TRMT11: variants seen among roughly 807,000 people sequenced by gnomAD.
The protein encoded by TRMT11 is tRNA methyltransferase 11, also known as tRNA (guanine(10)-N(2))-methyltransferase TRMT11.
TRMT11 carries 53 observed loss-of-function variants against 62.8 expected under a neutral mutation model. The ratio of observed to expected loss-of-function variants is 0.84; its 90% CI spans 0.68 to 1.06. TRMT11 has a LOEUF of 1.06. TRMT11 is among the 50% of genes least tolerant of loss of function. TRMT11 has a pLI of 0.00. For missense variants in TRMT11, 556 were observed against 553.4 expected, an observed-to-expected ratio of 1.00 and a Z score of -0.05; for synonymous variants, 188 against 190.3, an observed-to-expected ratio of 0.99 and a Z score of 0.10.
chr6:126,133,137 A>T (rs1482360140), intron 21 of TRMT11, among the ~76,000 whole-genome samples: 1 of 151,998 alleles, frequency 6.6e-6, no homozygotes, highest in Non-Finnish European at 1.5e-5. Flanking sequence ...TTCGGATGAA[A>T]ATTGAGAATG....
intron 17 of TRMT11, among the ~76,000 whole-genome samples, chr6:126,055,922 C>T (rs1365954216): frequency 6.6e-6 from 1 of 152,164 alleles, no homozygotes; most frequent in Non-Finnish European, 1.5e-5. Flanking sequence ...TTCTTCTTCT[C>T]CTTCTCGTGG....
chr6:126,050,329 C>CA (rs536546298), intron 16 of TRMT11, among the ~76,000 whole-genome samples: 5,083 of 68,072 alleles, frequency 0.075, 241 homozygotes, highest in East Asian at 0.19. Context: ...GACTTCATCT[C>CA]AAAAAAAAAA....
intron 1 of TRMT11, among the ~76,000 whole-genome samples, chr6:125,987,361 G>A (rs1789826510): frequency 6.6e-6 from 1 of 152,110 alleles, no homozygotes; most frequent in South Asian, 2.1e-4. Context: ...AGATAAATCA[G>A]TAAATTAGAA....
chr6:126,260,049 A>T, the TRMT11 span, among the ~76,000 whole-genome samples: 14 of 152,180 alleles, frequency 9.2e-5, no homozygotes, highest in African/African-American at 3.4e-4. Context: ...TGAAGAATTT[A>T]AACCATTTAC....
intron 21 of TRMT11, among the ~76,000 whole-genome samples, chr6:126,168,866 G>A (rs1778297868): frequency 6.6e-6 from 1 of 152,136 alleles, no homozygotes; most frequent in South Asian, 2.1e-4. Flanking sequence ...TTATTTTATG[G>A]GTGAGTCTAC....
intron 21 of TRMT11, among the ~76,000 whole-genome samples, chr6:126,141,568 G>A (rs1777917316): frequency 6.6e-6 from 1 of 152,134 alleles, no homozygotes; most frequent in South Asian, 2.1e-4. Flanking sequence ...GCCAGTGAAG[G>A]TGATGTGAGA....
chr6:126,231,814 C>A, the TRMT11 span, among the ~76,000 whole-genome samples: 4 of 152,172 alleles, frequency 2.6e-5, no homozygotes, highest in African/African-American at 9.7e-5. Flanking sequence ...ACAAATAAGG[C>A]TTTAGTGTTT....
chr6:126,180,763 G>A (rs951248586), intron 1 of TRMT11, among the ~76,000 whole-genome samples: 6 of 152,132 alleles, frequency 3.9e-5, no homozygotes, highest in Non-Finnish European at 7.4e-5. Context: ...CAGTTTTGTG[G>A]TTTACGAGTC....
intron 21 of TRMT11, among the ~76,000 whole-genome samples, chr6:126,160,775 A>G (rs73773377): frequency 0.046 from 7,077 of 152,224 alleles, 559 homozygotes; most frequent in African/African-American, 0.16. Context: ...ACTGAGAGCT[A>G]TAAAACGTGT....
At chr6:126,199,632 G>T (rs1778712124) in intron 2 of TRMT11, 1 of 152,150 alleles carries the variant, frequency 6.6e-6, no homozygotes, top group Non-Finnish European at 1.5e-5. Context: ...TATATATTTG[G>T]TCACTGTAAA....
At chr6:126,236,322 T>A in the TRMT11 span, among the ~76,000 whole-genome samples, 11 of 152,250 alleles carry the variant, frequency 7.2e-5, no homozygotes, top group African/African-American at 2.7e-4. Context: ...TGTAATTTAA[T>A]AAGCTATTTT....
the TRMT11 span, among the ~76,000 whole-genome samples, chr6:126,209,366 T>G: frequency 6.6e-6 from 1 of 152,170 alleles, no homozygotes; most frequent in Non-Finnish European, 1.5e-5. Flanking sequence ...GATAAACTTC[T>G]CAGGCCATAT....
At chr6:126,269,626 G>GTT in the TRMT11 span, among the ~76,000 whole-genome samples, 2 of 152,118 alleles carry the variant, frequency 1.3e-5, no homozygotes, top group Non-Finnish European at 2.9e-5. Flanking sequence ...TTATAGCATT[G>GTT]TTTATAATTG....
chr6:126,096,897 A>T (rs1255492058), intron 17 of TRMT11, among the ~76,000 whole-genome samples: 3 of 152,198 alleles, frequency 2.0e-5, no homozygotes, highest in Non-Finnish European at 4.4e-5. Flanking sequence ...AGCTCATTAT[A>T]ACAGAAATGA....
intron 21 of TRMT11, among the ~76,000 whole-genome samples, chr6:126,120,083 G>A (rs1308651577): frequency 1.3e-5 from 2 of 152,154 alleles, no homozygotes; most frequent in East Asian, 3.9e-4. Flanking sequence ...AAACCAGCCT[G>A]ACCAACATGG....
At chr6:126,182,151 C>T (rs1167053764) in intron 1 of TRMT11, among the ~76,000 whole-genome samples, 1 of 152,054 alleles carries the variant, frequency 6.6e-6, no homozygotes, top group African/African-American at 2.4e-5. Context: ...CTAGAGTGCA[C>T]AGGTGCATCA....
rs533352930 is a variant in TRMT11 at position 126,086,184 on chromosome 6, G to C, written c.*1438-26682G>C. ...CACGACTCAATTCAGATATTATCTA[G>C]ATAAAAGTGTGAATGAAAATTTGCC... On this transcript the variant is annotated intron_variant and NMD_transcript_variant, in intron 17 of 22. Transcript: ENST00000648977. 5.9e-5 allele frequency among the ~76,000 whole-genome samples: 9 copies of C among 152,196 alleles called. No individual in the cohort carries two copies. In the South Asian group the frequency reaches 1.9e-3, roughly 32 times the overall value.
the TRMT11 span, among the ~76,000 whole-genome samples, chr6:126,259,073 G>A: frequency 2.0e-5 from 3 of 152,270 alleles, no homozygotes; most frequent in African/African-American, 4.8e-5. Flanking sequence ...AGAACATGCA[G>A]TATTTGGTTT....
At chr6:126,121,711 C>T (rs1406592336) in intron 21 of TRMT11, among the ~76,000 whole-genome samples, 4 of 152,092 alleles carry the variant, frequency 2.6e-5, no homozygotes, top group African/African-American at 9.7e-5. Flanking sequence ...AGTCTCTATG[C>T]TCATGAGGAC....
Sources: gnomAD v4.1 joint callset for allele counts (sites outside exome capture counted in the v4.1 genomes callset) on GRCh38, gnomAD v4.1.1 for gene constraint, MANE v1.5 for transcripts, NCBI Gene and HGNC (gene_info 2026-07-23, HGNC 2026-07-21) for gene names.